The following CHRNA7 variants were observed in gnomAD, a reference collection of about 807,000 sequenced individuals.
CHRNA7 encodes neuronal acetylcholine receptor subunit alpha-7.
A neutral mutation model predicts 48.0 loss-of-function variants in CHRNA7; 17 were observed. The ratio of observed to expected loss-of-function variants is 0.35; its 90% CI spans 0.24 to 0.53. The LOEUF (loss-of-function observed/expected upper bound fraction) is 0.53. Ranked by LOEUF, CHRNA7 falls within the 20% of genes least tolerant of loss-of-function variation. The pLI is 0.92. For synonymous variants in CHRNA7, 75 were observed against 242.3 expected, an observed-to-expected ratio of 0.31 and a Z score of 6.41; for missense variants, 155 against 577.7, an observed-to-expected ratio of 0.27 and a Z score of 7.50.
At chr15:32,141,266 C>T (rs1159843555) in intron 4 of CHRNA7, among the ~76,000 whole-genome samples, 1 of 152,052 alleles carries the variant, frequency 6.6e-6, no homozygotes, top group South Asian at 2.1e-4. Flanking sequence ...CCTCTGTTCT[C>T]TTCCATTGGT....
chr15:32,069,291 G>A (rs1416981123), intron 2 of CHRNA7, among the ~76,000 whole-genome samples: 1 of 152,160 alleles, frequency 6.6e-6, no homozygotes, highest in Non-Finnish European at 1.5e-5. Flanking sequence ...ATTTAAGAAA[G>A]ATCAAAGGAT....
intron 2 of CHRNA7, among the ~76,000 whole-genome samples, chr15:32,088,560 G>GCCTT (rs2050334994): frequency 6.6e-6 from 1 of 152,136 alleles, no homozygotes; most frequent in South Asian, 2.1e-4. Context: ...CAATGAACGA[G>GCCTT]CCTTCCTGTT....
intron 2 of CHRNA7, among the ~76,000 whole-genome samples, chr15:32,060,950 G>C (rs1202239717): frequency 1.3e-5 from 2 of 152,148 alleles, no homozygotes; most frequent in Non-Finnish European, 2.9e-5. Context: ...ACCCACCAAG[G>C]GCTGATATGC....
Position 32,149,357 on chromosome 15 carries a change from C to T in CHRNA7, c.351-4550C>T, listed in dbSNP as rs761151562. ...GGGGTCACTGTTGGCTGGCATCTGT[C>T]GGGCATCCCCGGGGAAGCTGCGCCG... On this transcript the variant is annotated intron_variant, in intron 4 of 9. Coordinates refer to ENST00000306901, the MANE Select transcript of CHRNA7 (RefSeq NM_000746.6). The surrounding 1 kb of genome is among the most constrained non-coding windows in gnomAD (Gnocchi z 4.6). 7.9e-5 allele frequency among the ~76,000 whole-genome samples: 12 copies of T among 152,152 alleles called. No individual in the cohort carries two copies. The highest frequency in any genetic ancestry group is 1.9e-4 in the African/African-American group (8 of 41,424).
rs75679280 is a variant in CHRNA7 at position 32,119,914 on chromosome 15, C to T, written c.350+8015C>T. ...GTCTGCACCAGAGTGAGTGGACTGTCGCTGGCTGACTGTTAATGCTGTCTG... is the reference window on the plus strand; with the variant it reads ...GTCTGCACCAGAGTGAGTGGACTGTTGCTGGCTGACTGTTAATGCTGTCTG... On this transcript the variant is annotated intron_variant, in intron 4 of 9. Coordinates refer to ENST00000306901, the MANE Select transcript of CHRNA7 (RefSeq NM_000746.6). 9.9e-3 allele frequency among the ~76,000 whole-genome samples: 1,508 copies of T among 152,260 alleles called. 13 individuals are homozygous for T. Among genetic ancestry groups the T allele is most frequent in the African/African-American group, 0.026 (1,070 of 41,546 alleles).
At chr15:32,138,502 T>G (rs2051313690) in intron 4 of CHRNA7, among the ~76,000 whole-genome samples, 3 of 128,502 alleles carry the variant, frequency 2.3e-5, no homozygotes, top group Admixed American at 8.3e-5. Flanking sequence ...GGCCGTACAA[T>G]TGAAATAGAT....
chr15:32,131,367 T>C (rs1175944388), intron 4 of CHRNA7, among the ~76,000 whole-genome samples: 1 of 146,044 alleles, frequency 6.8e-6, no homozygotes, highest in East Asian at 1.9e-4. Flanking sequence ...ATTTTTTTTC[T>C]TTTTTTTGGT....
In CHRNA7 at chr15:32,030,619, T is replaced by A; in HGVS notation, c.25T>A (p.Trp9Arg). The change falls in exon 1 of 10, where the codon TGG (tryptophan) becomes AGG (arginine). Residue 9 changes from tryptophan to arginine, a missense_variant. By Grantham distance (101) the Trp-to-Arg change is moderately radical. Transcript: ENST00000306901. MRCSPGGV[W>R]LALAASLLHV... is the part of the protein sequence containing the mutation. The stretch of plus-strand genomic sequence containing the variant: ...CATGCGCTGCTCGCCGGGAGGCGTC[T>A]GGCTGGCGCTGGCCGCGTCGCTCCT... 2 of 1,565,860 alleles carry A rather than the reference T, an allele frequency of 1.3e-6. No homozygotes were observed. Among genetic ancestry groups the A allele is most frequent in the Non-Finnish European group, 1.7e-6 (2 of 1,162,134 alleles).
intron 3 of CHRNA7, among the ~76,000 whole-genome samples, chr15:32,107,463 A>C (rs2050689919): frequency 6.7e-6 from 1 of 149,556 alleles, no homozygotes; most frequent in African/African-American, 2.4e-5. Context: ...TTATAAATAA[A>C]ATATATTTAT....
At chr15:32,114,061 C>CATAT (rs35944403) in intron 4 of CHRNA7, among the ~76,000 whole-genome samples, 3,363 of 120,110 alleles carry the variant, frequency 0.028, 140 homozygotes, top group African/African-American at 0.092. Flanking sequence ...TATATATATA[C>CATAT]ATATATATAT....
At chr15:32,144,999 T>C (rs1466416119) in intron 4 of CHRNA7, among the ~76,000 whole-genome samples, 2 of 152,228 alleles carry the variant, frequency 1.3e-5, no homozygotes, top group African/African-American at 4.8e-5. Flanking sequence ...GAAGGGGTGC[T>C]CTGGTTTTTG....
intron 4 of CHRNA7, chr15:32,112,451 G>T (rs948641665): frequency 2.3e-6 from 1 of 425,586 alleles, no homozygotes. Context: ...TTCTCCTGAG[G>T]TCAGGAAATA....
intron 2 of CHRNA7, among the ~76,000 whole-genome samples, chr15:32,084,979 C>T (rs897384337): frequency 6.6e-6 from 1 of 152,002 alleles, no homozygotes; most frequent in East Asian, 1.9e-4. Context: ...ATTACAGGCA[C>T]CCACCACCAC....
intron 2 of CHRNA7, 23 bp from the exon 3 acceptor site, chr15:32,101,280 C>G: frequency 8.1e-6 from 11 of 1,357,886 alleles, no homozygotes; most frequent in Non-Finnish European, 1.1e-5. Context: ...ATTTATGCTG[C>G]TGCTTTTTTT....
intron 4 of CHRNA7, among the ~76,000 whole-genome samples, chr15:32,151,946 A>T (rs937191700): frequency 2.6e-5 from 4 of 152,182 alleles, no homozygotes; most frequent in African/African-American, 9.7e-5. Flanking sequence ...TGCAGGGGCC[A>T]TAGTGGCCAA....
At chr15:32,034,103 T>C (rs758899070) in intron 2 of CHRNA7, among the ~76,000 whole-genome samples, 9 of 152,198 alleles carry the variant, frequency 5.9e-5, no homozygotes, top group Non-Finnish European at 1.0e-4. Context: ...TGATGAAATT[T>C]AACATAAATA....
intron 2 of CHRNA7, among the ~76,000 whole-genome samples, chr15:32,055,728 C>A (rs1450454101): frequency 6.6e-6 from 1 of 152,100 alleles, no homozygotes; most frequent in Admixed American, 6.5e-5. Context: ...GCCTGTAATC[C>A]CAGCACTTTG....
intron 3 of CHRNA7, among the ~76,000 whole-genome samples, chr15:32,107,856 T>G (rs1272275758): frequency 2.6e-5 from 4 of 152,042 alleles, no homozygotes; most frequent in Non-Finnish European, 5.9e-5. Flanking sequence ...ATGAAAGCTA[T>G]CTAGGTGCCC....
intron 5 of CHRNA7, chr15:32,156,306 G>A (rs1157194542): frequency 1.2e-5 from 1 of 80,422 alleles, no homozygotes; most frequent in East Asian, 2.8e-4. Flanking sequence ...GGGATTGTCT[G>A]TGATGATTCC....
Sources: allele counts gnomAD v4.1 joint callset (sites outside exome capture counted in the v4.1 genomes callset), GRCh38; gene constraint gnomAD v4.1.1; non-coding constraint Gnocchi (gnomAD v3.1); transcripts MANE v1.5; gene names NCBI Gene and HGNC (gene_info 2026-07-23, HGNC 2026-07-21).